Variants in COL6A6 observed in about 807,000 individuals in gnomAD.
COL6A6 encodes the protein collagen alpha-6(VI) chain.
In COL6A6, 183 loss-of-function variants were observed where a neutral mutation model predicts 208.6. That is an observed-to-expected ratio of 0.88 (90% CI 0.78 to 0.99). The LOEUF (loss-of-function observed/expected upper bound fraction) is 0.99, where lower values mean the gene tolerates loss of function less well. Among genes scored for constraint, COL6A6 ranks in the 50% least tolerant of loss-of-function variants. COL6A6 has a pLI of 0.00. For missense variants in COL6A6, 2,816 were observed against 2,815.2 expected (o/e 1.00, Z -0.01); for synonymous variants, 973 against 1,011.8 (o/e 0.96, Z 0.73).
At chr3:130,546,062 T>A (rs2062487204) in intron 1 of COL6A6, among the ~76,000 whole-genome samples, 1 of 152,190 alleles carries the variant, frequency 6.6e-6, no homozygotes, top group South Asian at 2.1e-4. Context: ...ATTGAGCTAG[T>A]CTCAATCTCA....
chr3:130,649,123 C>T lies in COL6A6; in HGVS notation c.5294C>T (p.Ser1765Phe). The stretch of plus-strand genomic sequence containing the variant: ...GAGTTGGTGTTTGCCCTGGACCACT[C>T]CCGGGATGTCACTGAGCAGGAATTT... ...PTELVFALDHSRDVTEQEFER... is the reference protein window; with the variant it reads ...PTELVFALDHFRDVTEQEFER... Residue 1765 changes from serine to phenylalanine, a missense_variant, in exon 33 of 37, where the codon TCC becomes TTC. Physicochemically the swap from Ser to Phe is radical, Grantham distance 155. Coordinates refer to ENST00000358511, the MANE Select transcript of COL6A6 (RefSeq NM_001102608.3). 2 of 1,580,418 alleles carry T rather than the reference C, an allele frequency of 1.3e-6. No individual in the cohort carries two copies. The highest frequency in any genetic ancestry group is 2.3e-5 in the East Asian group (1 of 43,232).
intron 34 of COL6A6, 145 bp from the exon 35 acceptor site, chr3:130,661,492 T>G: frequency 1.5e-6 from 1 of 657,512 alleles, no homozygotes; most frequent in East Asian, 2.7e-5. Flanking sequence ...AACCATGTAC[T>G]AGGAAATCTT....
chr3:130,672,286 C>T (rs1428481497), intron 36 of COL6A6, among the ~76,000 whole-genome samples: 3 of 152,068 alleles, frequency 2.0e-5, no homozygotes, highest in African/African-American at 7.2e-5. Context: ...GCAAAATAGA[C>T]GATTTCATTC....
At chr3:130,586,423 A>G (rs1049295295) in intron 10 of COL6A6, 83 bp from the exon 11 acceptor site, 171 of 1,270,706 alleles carry the variant, frequency 1.3e-4, no homozygotes, top group Non-Finnish European at 1.6e-4. Context: ...CTGTTCACTG[A>G]GAATAACAAT....
chr3:130,535,694 T>A (rs989314106), intron 1 of COL6A6, among the ~76,000 whole-genome samples: 2 of 152,208 alleles, frequency 1.3e-5, no homozygotes, highest in African/African-American at 4.8e-5. Flanking sequence ...GTTTCATGGT[T>A]GAAACCAGTT....
chr3:130,522,043 A>T (rs972799745), intron 1 of COL6A6, among the ~76,000 whole-genome samples: 1 of 152,232 alleles, frequency 6.6e-6, no homozygotes, highest in Non-Finnish European at 1.5e-5. Context: ...CCAGTCTACC[A>T]TAAACTTTTT....
At chr3:130,634,259 A>C (rs983815195) in intron 26 of COL6A6, among the ~76,000 whole-genome samples, 17 of 60,602 alleles carry the variant, frequency 2.8e-4, no homozygotes, top group Non-Finnish European at 3.7e-4. Flanking sequence ...AAAAAAAAAA[A>C]AAAAAAAGAT....
At chr3:130,648,087 A>G (rs779378122) in intron 32 of COL6A6, among the ~76,000 whole-genome samples, 54 of 152,242 alleles carry the variant, frequency 3.5e-4, no homozygotes, top group Non-Finnish European at 7.1e-4. Flanking sequence ...TAAGTTATCA[A>G]CTGTGACAAG....
chr3:130,545,290 A>G (rs756942815), intron 1 of COL6A6, among the ~76,000 whole-genome samples: 9 of 152,084 alleles, frequency 5.9e-5, no homozygotes, highest in Non-Finnish European at 1.2e-4. Context: ...TCCTTTCTCT[A>G]TTGTGTCTTG....
intron 23 of COL6A6, among the ~76,000 whole-genome samples, chr3:130,620,227 G>A (rs1482747183): frequency 6.6e-6 from 1 of 152,156 alleles, no homozygotes; most frequent in Non-Finnish European, 1.5e-5. Context: ...GAGTCATTGT[G>A]TAGAAGTGAT....
intron 1 of COL6A6, among the ~76,000 whole-genome samples, chr3:130,532,581 C>T (rs1353611831): frequency 6.6e-6 from 1 of 152,096 alleles, no homozygotes; most frequent in Non-Finnish European, 1.5e-5. Context: ...TACTACATGT[C>T]CATCTGCCTG....
intron 20 of COL6A6, among the ~76,000 whole-genome samples, chr3:130,601,256 G>C (rs567892358): frequency 2.8e-5 from 4 of 144,766 alleles, no homozygotes; most frequent in African/African-American, 7.8e-5. Context: ...AACTACTTTA[G>C]TATATTGCAT....
chr3:130,588,170 T>C (rs1252179675), intron 11 of COL6A6, among the ~76,000 whole-genome samples: 2 of 152,234 alleles, frequency 1.3e-5, no homozygotes, highest in Non-Finnish European at 2.9e-5. Flanking sequence ...AAGAATTTCA[T>C]AATGTCAGAA....
Position 130,649,563 on chromosome 3 carries a change from G to C in COL6A6, c.5733+1G>C, listed in dbSNP as rs745836001. 6.4e-7 allele frequency: 1 copy of C among 1,573,626 alleles called. No individual in the cohort carries two copies. Among genetic ancestry groups the C allele is most frequent in the Middle Eastern group, 1.7e-4 (1 of 5,982 alleles). Reference sequence around the variant, plus strand: ...GCCCTCGGTCAGGCGCGCATTTGCGGTATGAGGATGAAACCTTTCACATGA... The same window carrying C: ...GCCCTCGGTCAGGCGCGCATTTGCGCTATGAGGATGAAACCTTTCACATGA... On this transcript the variant is annotated splice_donor_variant, in intron 33 of 36. Transcript: ENST00000358511. LOFTEE classifies it high-confidence loss of function.
intron 33 of COL6A6, among the ~76,000 whole-genome samples, chr3:130,650,193 C>T (rs2065591714): frequency 6.6e-6 from 1 of 152,174 alleles, no homozygotes; most frequent in Non-Finnish European, 1.5e-5. Context: ...GGCAGGGCTT[C>T]ATCACTGGGG....
intron 1 of COL6A6, among the ~76,000 whole-genome samples, chr3:130,558,776 C>CA: frequency 6.6e-6 from 1 of 151,834 alleles, no homozygotes; most frequent in Non-Finnish European, 1.5e-5. Flanking sequence ...GTTTTATAAG[C>CA]AAAAATAAAA....
Position 130,563,191 on chromosome 3 carries a change from A to G in COL6A6, c.188A>G (p.Lys63Arg), listed in dbSNP as rs1220214138. ...MISSLPIEADKYRVALAQYSD... is the reference protein window; with the variant it reads ...MISSLPIEADRYRVALAQYSD... The stretch of plus-strand genomic sequence containing the variant: ...AGCAGTCTCCCCATAGAGGCCGACA[A>G]ATACCGTGTGGCCCTGGCCCAGTAC... The change falls in exon 3 of 37, where the codon AAA becomes AGA. Residue 63 changes from lysine to arginine, a missense_variant. Transcript: ENST00000358511. 1 of 1,614,006 alleles carries G rather than the reference A, an allele frequency of 6.2e-7. No individual in the cohort carries two copies. Among genetic ancestry groups the G allele is most frequent in the Admixed American group, 1.7e-5 (1 of 60,030 alleles).
At position 130,627,214 on chromosome 3, in the gene COL6A6, C is replaced by G. The variant is rs75807727; in HGVS notation, c.4942-105C>G. On this transcript the variant is annotated intron_variant, in intron 25 of 36. Transcript: ENST00000358511. ...CCTAGAAGGAGGATCCTGTGTCCTG[C>G]TTTTCCTTTATCAAACCAAAAAGCT... is the stretch of plus-strand genomic sequence containing the variant. 9.0e-4 allele frequency: 934 copies of G among 1,038,086 alleles called. 6 individuals carry two copies. In the African/African-American group the frequency reaches 0.013, roughly 14 times the overall value. 64.3% of individuals were successfully genotyped at this position (1,038,086 alleles called of 1,614,324 possible).
chr3:130,582,183 A>G (rs895074763), intron 10 of COL6A6, 115 bp downstream of exon 10: 25 of 663,630 alleles, frequency 3.8e-5, no homozygotes, highest in Middle Eastern at 8.0e-4. Context: ...GATTTTGACA[A>G]TCTCCGTATT....
Sources: gnomAD v4.1 joint callset for allele counts (sites outside exome capture counted in the v4.1 genomes callset) on GRCh38, gnomAD v4.1.1 for gene constraint, MANE v1.5 for transcripts, NCBI Gene and HGNC (gene_info 2026-07-23, HGNC 2026-07-21) for gene names.